The following OR6A2 variants were observed in gnomAD, a reference collection of about 807,000 sequenced individuals.
OR6A2 encodes the protein olfactory receptor family 6 subfamily A member 2.
OR6A2 carries 6 observed loss-of-function variants against 7.1 expected under a neutral mutation model. That is an observed-to-expected ratio of 0.85 (90% CI 0.46 to 1.68). OR6A2 has a LOEUF of 1.68. Ranked by LOEUF, OR6A2 falls within the 40% of genes most tolerant of loss-of-function variation. The probability of loss-of-function intolerance (pLI) is 0.01; values close to 1 mark genes in which losing one functional copy is unlikely to be tolerated. For missense variants in OR6A2, 431 were observed against 398.0 expected (o/e 1.08, Z -0.71); for synonymous variants, 162 against 152.1 (o/e 1.06, Z -0.48).
In OR6A2 at chr11:6,795,039, CA is replaced by C; in HGVS notation, c.669del (p.Tyr223Ter). ...TGCATCACAGCACCAGTAATGGCCA[CA>C]TAGGAGGCCCCAGTGACAGAGAGTG... ...LGPLSVTGASYVAITGAVMHI... is the reference protein window; with the variant it reads ...LGPLSVTGASXVAITGAVMHI... On this transcript the variant is annotated frameshift_variant, in exon 2 of 2. Transcript: ENST00000641196. LOFTEE classifies it high-confidence loss of function. 6.2e-6 allele frequency: 10 copies of C among 1,614,084 alleles called. No individual in the cohort carries two copies. Among genetic ancestry groups the C allele is most frequent in the Non-Finnish European group, 7.6e-6 (9 of 1,179,988 alleles).
At position 6,794,049 on chromosome 11, in the gene OR6A2, T is replaced by C. The variant is rs1231699497; in HGVS notation, c.*676A>G. On this transcript the variant is annotated 3_prime_UTR_variant, in exon 2 of 2. Coordinates refer to ENST00000641196, the MANE Select transcript of OR6A2 (RefSeq NM_003696.3). ...ACCCCACATATAGGCATGACACACA[T>C]GCCTTGCCTACATGGTTCCAAACTA... 5 of 152,376 alleles carry C rather than the reference T, an allele frequency of 3.3e-5. No homozygotes were observed. The East Asian group carries it at 9.6e-4, about 29-fold the overall frequency. 9.4% of individuals were successfully genotyped at this position (152,376 alleles called of 1,614,324 possible).
rs758232457 is a variant in OR6A2, at chr11:6,799,625, A to G, written c.-258T>C. On this transcript the variant is annotated 5_prime_UTR_variant, in exon 1 of 2. Transcript: ENST00000641196. ...GAGAGGATTTAAAATGTATGCAAAA[A>G]AAGTTGAGTCATCGGGACTAAGAAA... 6.6e-6 allele frequency: 1 copy of G among 152,140 alleles called. No individual in the cohort carries two copies. The highest frequency in any genetic ancestry group is 1.5e-5 in the Non-Finnish European group (1 of 68,030). 9.4% of individuals were successfully genotyped at this position (152,140 alleles called of 1,614,324 possible). A position where few individuals can be genotyped will look rare whatever the true frequency, so the allele number is the denominator to read the frequency against.
rs201722117 is a variant in OR6A2 at position 6,795,602 on chromosome 11, T to C, written c.107A>G (p.Tyr36Cys). The C allele has an allele frequency of 1.2e-6, 2 of 1,613,938 alleles. No homozygotes were observed. The highest frequency in any genetic ancestry group is 2.2e-5 in the East Asian group (1 of 44,856). Reference sequence around the variant, plus strand: ...TGTGTTCTCAGTCAGCACCAACACATAGGCCAGCAGCAAAAGGGCAAACAA... The same window carrying C: ...TGTGTTCTCAGTCAGCACCAACACACAGGCCAGCAGCAAAAGGGCAAACAA... ...VLLFALLLLA[Y>C]VLVLTENTLI... The change falls in exon 2 of 2, where the codon TAT (tyrosine) becomes TGT (cysteine). Residue 36 changes from tyrosine (Y) to cysteine (C), a missense_variant. By Grantham distance (194) the Tyr-to-Cys change is radical. Transcript: ENST00000641196.
rs1302220424 is a variant in OR6A2 at position 6,794,199 on chromosome 11, C to T, written c.*526G>A. 2 of 155,382 alleles carry T rather than the reference C, an allele frequency of 1.3e-5. No homozygotes were observed. The highest frequency in any genetic ancestry group is 1.2e-4 in the Admixed American group (2 of 16,080). The allele number at this position is 155,382 out of a possible 1,614,324, so 9.6% of individuals were successfully genotyped here. A position where few individuals can be genotyped will look rare whatever the true frequency, so the allele number is the denominator to read the frequency against. ...GGTGCTTATAGTCTAATCAGGGAGA[C>T]AGAGTATTGATGAAACAACTGCACT... On this transcript the variant is annotated 3_prime_UTR_variant, in exon 2 of 2. Coordinates refer to ENST00000641196, the MANE Select transcript of OR6A2 (RefSeq NM_003696.3).
In OR6A2 at chr11:6,794,582, C is replaced by T; in HGVS notation, c.*143G>A. 9.4e-7 allele frequency: 1 copy of T among 1,062,962 alleles called. No homozygotes were observed. The highest frequency in any genetic ancestry group is 1.4e-6 in the Non-Finnish European group (1 of 739,296). The allele number at this position is 1,062,962 out of a possible 1,614,324, so 65.8% of individuals were successfully genotyped here. A position where few individuals can be genotyped will look rare whatever the true frequency, so the allele number is the denominator to read the frequency against. ...ACCTATTCCTCTCTCTCCTCTTGGACTAGTTAAAGAAAGTATTCCTAGTTC... is the reference window on the plus strand; with the variant it reads ...ACCTATTCCTCTCTCTCCTCTTGGATTAGTTAAAGAAAGTATTCCTAGTTC... On this transcript the variant is annotated 3_prime_UTR_variant, in exon 2 of 2. Transcript: ENST00000641196.
intron 1 of OR6A2, among the ~76,000 whole-genome samples, 158 bp downstream of exon 1, chr11:6,799,386 G>T (rs1847778692): frequency 6.6e-6 from 1 of 152,156 alleles, no homozygotes; most frequent in African/African-American, 2.4e-5. Flanking sequence ...ATTAGTCTAA[G>T]TATCAACAGA....
rs143570851 is a variant in OR6A2 at position 6,795,149 on chromosome 11, G to C, written c.560C>G (p.Ser187Cys). 4.0e-5 allele frequency: 64 copies of C among 1,614,034 alleles called. No individual in the cohort carries two copies. The African/African-American group carries it at 7.6e-4, about 19-fold the overall frequency. The change falls in exon 2 of 2, where the codon TCT (serine) becomes TGT (cysteine). Residue 187 changes from serine to cysteine, a missense_variant. By Grantham distance (112) the Ser-to-Cys change is moderately radical (BLOSUM62 -1). Transcript: ENST00000641196. The stretch of plus-strand genomic sequence containing the variant: ...AGTGCATGAGAGGTTGAGCAATGGA[G>C]AGACATCACAGAAAAAGTGGTTGAT... ...NIINHFFCDVSPLLNLSCTDM... is the reference protein window; with the variant it reads ...NIINHFFCDVCPLLNLSCTDM...
rs995641245 is a variant in OR6A2, at chr11:6,791,800, A to G, written c.*2925T>C. Reference sequence around the variant, plus strand: ...TAAATTTTGGAACAATATTAGGCTTACAGAAAAATTGCAAAGATGCTAAAG... The same window carrying G: ...TAAATTTTGGAACAATATTAGGCTTGCAGAAAAATTGCAAAGATGCTAAAG... On this transcript the variant is annotated 3_prime_UTR_variant, in exon 2 of 2. Coordinates refer to ENST00000641196, the MANE Select transcript of OR6A2 (RefSeq NM_003696.3). 3.3e-5 allele frequency: 5 copies of G among 152,226 alleles called. No individual in the cohort carries two copies. The highest frequency in any genetic ancestry group is 2.0e-4 in the Admixed American group (3 of 15,282). The allele number at this position is 152,226 out of a possible 1,614,324, so 9.4% of individuals were successfully genotyped here. A position where few individuals can be genotyped will look rare whatever the true frequency, so the allele number is the denominator to read the frequency against.
intron 1 of OR6A2, among the ~76,000 whole-genome samples, chr11:6,799,013 T>C (rs886189818): frequency 3.3e-5 from 5 of 152,172 alleles, no homozygotes; most frequent in African/African-American, 4.8e-5. Context: ...GAAAAAAGTA[T>C]ATAAAAAGGA....
chr11:6,795,111 C>T lies in OR6A2; in HGVS notation c.598G>A (p.Ala200Thr), dbSNP rs767485211. The change falls in exon 2 of 2, where the codon GCA (alanine) becomes ACA (threonine). Residue 200 changes from alanine (A) to threonine (T), a missense_variant. Transcript: ENST00000641196. ...GCCAGGATGAAATCTGTAAGCTCTGCTGTGGACATATCAGTGCATGAGAGG... is the reference window on the plus strand; with the variant it reads ...GCCAGGATGAAATCTGTAAGCTCTGTTGTGGACATATCAGTGCATGAGAGG... The part of the protein sequence containing the change: ...LNLSCTDMST[A>T]ELTDFILAIF... 5.2e-5 allele frequency: 84 copies of T among 1,613,988 alleles called. No individual in the cohort carries two copies. In the Admixed American group the frequency reaches 1.4e-3, roughly 26 times the overall value.
At chr11:6,798,858 C>T (rs1197480552) in intron 1 of OR6A2, among the ~76,000 whole-genome samples, 1 of 152,146 alleles carries the variant, frequency 6.6e-6, no homozygotes, top group African/African-American at 2.4e-5. Flanking sequence ...ATCTATCTCT[C>T]CTTCTGACAG....
Position 6,795,365 on chromosome 11 carries a change from G to A in OR6A2, c.344C>T (p.Thr115Ile). Residue 115 changes from threonine to isoleucine, a missense_variant, in exon 2 of 2, where the codon ACT (threonine) becomes ATT (isoleucine). By Grantham distance (89) the Thr-to-Ile change is moderately conservative (BLOSUM62 -1). Transcript: ENST00000641196. ...CATAACAGCGAGAAGGACACACTCA[G>A]TGCAGCCCAAGCCAAGGAAAAAGTA... ...QLYFFLGLGC[T>I]ECVLLAVMAY... The A allele has an allele frequency of 1.2e-6, 2 of 1,614,060 alleles. No homozygotes were observed. The highest frequency in any genetic ancestry group is 1.3e-5 in the African/African-American group (1 of 75,032).
In OR6A2 at chr11:6,799,689, T is replaced by C. The variant is rs1245806514; in HGVS notation, c.-322A>G. 1 of 152,160 alleles carries C rather than the reference T, an allele frequency of 6.6e-6. No individual in the cohort carries two copies. The highest frequency in any genetic ancestry group is 2.4e-5 in the African/African-American group (1 of 41,436). 9.4% of individuals were successfully genotyped at this position (152,160 alleles called of 1,614,324 possible). On this transcript the variant is annotated 5_prime_UTR_variant, in exon 1 of 2. Transcript: ENST00000641196. Reference sequence around the variant, plus strand: ...TTCCACTTTCTCTTCCTCCCATAGATAGAGAACACTGCCAAGCTAGGAAAG... The same window carrying C: ...TTCCACTTTCTCTTCCTCCCATAGACAGAGAACACTGCCAAGCTAGGAAAG...
rs1564904774 is a variant in OR6A2, at chr11:6,795,145, T to C, written c.564A>G (p.Pro188=). 3 of 1,613,890 alleles carry C rather than the reference T, an allele frequency of 1.9e-6. No individual in the cohort carries two copies. Among genetic ancestry groups the C allele is most frequent in the Admixed American group, 3.3e-5 (2 of 59,984 alleles). ...IINHFFCDVS[P]LLNLSCTDMS... is the part of the protein sequence containing the mutation. The stretch of plus-strand genomic sequence containing the variant: ...TATCAGTGCATGAGAGGTTGAGCAA[T>C]GGAGAGACATCACAGAAAAAGTGGT... Residue 188 remains proline, a synonymous_variant, in exon 2 of 2, where the codon CCA becomes CCG. Transcript: ENST00000641196.
rs889040471 is a variant in OR6A2 at position 6,792,523 on chromosome 11, T to C, written c.*2202A>G. The stretch of plus-strand genomic sequence containing the variant: ...CCAGTACTCCCACCTCTTGTACTGA[T>C]GCAAGAGACTAGAAGCTTCTCCAGA... On this transcript the variant is annotated 3_prime_UTR_variant, in exon 2 of 2. Transcript: ENST00000641196. 1 of 152,150 alleles carries C rather than the reference T, an allele frequency of 6.6e-6. No homozygotes were observed. Among genetic ancestry groups the C allele is most frequent in the South Asian group, 2.1e-4 (1 of 4,832 alleles). 9.4% of individuals were successfully genotyped at this position (152,150 alleles called of 1,614,324 possible). A position where few individuals can be genotyped will look rare whatever the true frequency, so the allele number is the denominator to read the frequency against.
rs140245596 is a variant in OR6A2, at chr11:6,796,514, T to C, written c.-176-630A>G. On this transcript the variant is annotated intron_variant, in intron 1 of 1. Transcript: ENST00000641196. ...AAAGCAGAATACCAGAAGGTCACAG[T>C]ACCTGTAGAGTGGAAGTCTGCAGAA... 3.8e-3 allele frequency among the ~76,000 whole-genome samples: 582 copies of C among 152,242 alleles called. 5 individuals are homozygous for C. The highest frequency in any genetic ancestry group is 0.013 in the African/African-American group (552 of 41,550).
chr11:6,795,564 C>T lies in OR6A2; in HGVS notation c.145G>A (p.Ala49Thr). The T allele has an allele frequency of 6.2e-7, 1 of 1,613,996 alleles. No individual in the cohort carries two copies. Among genetic ancestry groups the T allele is most frequent in the Non-Finnish European group, 8.5e-7 (1 of 1,179,978 alleles). ...VLTENTLIIM[A>T]IRNHSTLHKP... ...TGGAGGGTAGAATGGTTCCTAATTG[C>T]CATAATGATGAGTGTGTTCTCAGTC... The change falls in exon 2 of 2, where the codon GCA becomes ACA. Residue 49 changes from alanine (A) to threonine (T), a missense_variant. Physicochemically the swap from Ala to Thr is moderately conservative, Grantham distance 58. Transcript: ENST00000641196.
intron 1 of OR6A2, among the ~76,000 whole-genome samples, chr11:6,798,512 C>T (rs1209327112): frequency 1.3e-5 from 2 of 152,108 alleles, no homozygotes; most frequent in African/African-American, 4.8e-5. Context: ...CAGCCTGTAC[C>T]CTCATCAATA....
chr11:6,798,772 C>T (rs1339105174), intron 1 of OR6A2, among the ~76,000 whole-genome samples: 1 of 152,122 alleles, frequency 6.6e-6, no homozygotes, highest in Non-Finnish European at 1.5e-5. Context: ...GAATTTTTAT[C>T]GTAATGTTTT....
Sources: gnomAD v4.1 joint callset for allele counts (sites outside exome capture counted in the v4.1 genomes callset) on GRCh38, gnomAD v4.1.1 for gene constraint, MANE v1.5 for transcripts, NCBI Gene and HGNC (gene_info 2026-07-23, HGNC 2026-07-21) for gene names.